Variants in SYCP2 observed in about 807,000 individuals in gnomAD.
SYCP2 encodes the protein synaptonemal complex lateral element protein.
Under a neutral mutation model 211.3 loss-of-function variants are expected in SYCP2, and 55 were observed. That is an observed-to-expected ratio of 0.26 (90% CI 0.21 to 0.33). SYCP2 has a LOEUF of 0.33. SYCP2 is among the 10% of genes least tolerant of loss of function. SYCP2 has a pLI of 1.00. For synonymous variants in SYCP2, 570 were observed against 555.2 expected, an observed-to-expected ratio of 1.03 and a Z score of -0.37; for missense variants, 1,731 against 1,752.0, an observed-to-expected ratio of 0.99 and a Z score of 0.21.
At chr20:59,911,976 A>G in intron 13 of SYCP2, 131 bp from the exon 14 acceptor site, 2 of 467,270 alleles carry the variant, frequency 4.3e-6, no homozygotes, top group South Asian at 5.5e-5. Flanking sequence ...ACAGACAAGT[A>G]TAATATTTAG....
chr20:59,890,112 C>A (rs567969763), intron 24 of SYCP2, among the ~76,000 whole-genome samples: 10 of 152,032 alleles, frequency 6.6e-5, no homozygotes, highest in African/African-American at 2.4e-4. Context: ...ATGTTTACTG[C>A]GGCACTATTC....
intron 32 of SYCP2, 82 bp downstream of exon 32, chr20:59,877,926 A>T: frequency 1.8e-6 from 2 of 1,091,174 alleles, no homozygotes; most frequent in Non-Finnish European, 2.7e-6. Context: ...ACAAGGATAA[A>T]ATTATGAGAT....
chr20:59,900,667 C>T (rs1301490009), intron 17 of SYCP2, 77 bp downstream of exon 17: 3 of 1,132,246 alleles, frequency 2.6e-6, no homozygotes, highest in East Asian at 2.5e-5. Context: ...CACCCTCCAA[C>T]AACACCTTTA....
intron 2 of SYCP2, among the ~76,000 whole-genome samples, chr20:59,930,882 T>TACATTTTGAGTATAAC (rs1240246424): frequency 1.1e-4 from 16 of 152,312 alleles, no homozygotes; most frequent in Non-Finnish European, 2.4e-4. Context: ...CCAAATTTGA[T>TACATTTTGAGTATAAC]ACATTTTGAG....
Position 59,869,819 on chromosome 20 carries a change from A to G in SYCP2, c.3720T>C (p.Asn1240=), listed in dbSNP as rs753734963. 3.7e-6 allele frequency: 6 copies of G among 1,604,686 alleles called. No homozygotes were observed. The highest frequency in any genetic ancestry group is 1.7e-4 in the Middle Eastern group (1 of 5,886). The change falls in exon 36 of 45, where the codon AAT becomes AAC. Residue 1240 remains asparagine, a synonymous_variant. Coordinates refer to ENST00000357552, the MANE Select transcript of SYCP2 (RefSeq NM_014258.4). Reference sequence around the variant, plus strand: ...TTACCTCTCTTTTGCTTTGTATATAATTTTCATTGATATGTGGAGATTCAA... The same window carrying G: ...TTACCTCTCTTTTGCTTTGTATATAGTTTTCATTGATATGTGGAGATTCAA... ...MEIESPHINE[N]YIQSKREESH...
In SYCP2 at chr20:59,880,353, A is replaced by G. The variant is rs1445682529; in HGVS notation, c.2891T>C (p.Ile964Thr). The change falls in exon 31 of 45, where the codon ATA (isoleucine) becomes ACA (threonine). Residue 964 changes from isoleucine to threonine, a missense_variant. Ile to Thr is a moderately conservative substitution (Grantham distance 89, BLOSUM62 -1). Coordinates refer to ENST00000357552, the MANE Select transcript of SYCP2 (RefSeq NM_014258.4). ...CACATTTTTATTTCTGCTATAGTCT[A>G]TTAGCTGTGGTTTTGATTTCGGTTC... ...LREPKSKPQL[I>T]DYSRNKNVKN... 8 of 1,598,794 alleles carry G rather than the reference A, an allele frequency of 5.0e-6. No individual in the cohort carries two copies. Among genetic ancestry groups the G allele is most frequent in the Non-Finnish European group, 6.8e-6 (8 of 1,169,898 alleles).
At chr20:59,893,634 T>C in intron 20 of SYCP2, 41 bp from the exon 21 acceptor site, 1 of 1,473,530 alleles carries the variant, frequency 6.8e-7, no homozygotes, top group Non-Finnish European at 9.4e-7. Context: ...CTTAAGATGT[T>C]ATATGAAAAC....
intron 38 of SYCP2, 37 bp from the exon 39 acceptor site, chr20:59,867,884 G>A (rs1259026958): frequency 2.0e-6 from 3 of 1,506,812 alleles, no homozygotes; most frequent in East Asian, 4.6e-5. Context: ...GTTAAAATAT[G>A]CATTACTCTA....
intron 26 of SYCP2, chr20:59,885,172 T>G (rs911158999): frequency 6.6e-6 from 1 of 152,068 alleles, no homozygotes; most frequent in Non-Finnish European, 1.5e-5. Flanking sequence ...AAGACAATCT[T>G]TTAAAGGGAA....
chr20:59,915,396 T>A (rs530613930), intron 9 of SYCP2, 69 bp downstream of exon 9: 2 of 1,150,594 alleles, frequency 1.7e-6, no homozygotes, highest in African/African-American at 3.1e-5. Flanking sequence ...TGCAAACTCA[T>A]AGTTGTCTGT....
At chr20:59,902,780 G>C (rs988404312) in intron 15 of SYCP2, among the ~76,000 whole-genome samples, 1 of 152,140 alleles carries the variant, frequency 6.6e-6, no homozygotes, top group African/African-American at 2.4e-5. Context: ...ACAATTGCTT[G>C]AAAGTGGTAA....
At chr20:59,869,753 C>CAGA in intron 36 of SYCP2, 45 bp downstream of exon 36, 1 of 1,180,386 alleles carries the variant, frequency 8.5e-7, no homozygotes, top group Non-Finnish European at 1.2e-6. Flanking sequence ...TTATAAGAAC[C>CAGA]ATCTTAGTGT....
intron 29 of SYCP2, 81 bp from the exon 30 acceptor site, chr20:59,881,104 T>C: frequency 1.3e-6 from 1 of 792,114 alleles, no homozygotes; most frequent in Non-Finnish European, 2.0e-6. Context: ...CAATTAGACC[T>C]GAGTTTTCAG....
chr20:59,924,567 T>C (rs2060598827), intron 2 of SYCP2, among the ~76,000 whole-genome samples: 1 of 151,948 alleles, frequency 6.6e-6, no homozygotes, highest in African/African-American at 2.4e-5. Flanking sequence ...TATCAAAACA[T>C]CTTACATACT....
chr20:59,919,337 C>T, intron 6 of SYCP2, 155 bp from the exon 7 acceptor site: 2 of 675,152 alleles, frequency 3.0e-6, no homozygotes, highest in Non-Finnish European at 5.1e-6. Flanking sequence ...ATTATATTTA[C>T]CAGAATAAAT....
intron 24 of SYCP2, among the ~76,000 whole-genome samples, chr20:59,889,584 A>T (rs915799514): frequency 2.0e-5 from 3 of 151,876 alleles, no homozygotes; most frequent in Non-Finnish European, 4.4e-5. Context: ...GTAAACACAA[A>T]ATTTACTATT....
chr20:59,921,477 CA>C (rs1259803630), intron 3 of SYCP2, 24 bp from the exon 4 acceptor site: 1 of 1,524,196 alleles, frequency 6.6e-7, no homozygotes. Context: ...TTTAATGGCA[CA>C]TACTGTATCA....
intron 2 of SYCP2, among the ~76,000 whole-genome samples, chr20:59,930,171 C>T (rs1158168202): frequency 6.6e-6 from 1 of 152,140 alleles, no homozygotes; most frequent in African/African-American, 2.4e-5. Flanking sequence ...TTTCAGGCCC[C>T]TGAACTTCCT....
rs548992997 is a variant in SYCP2, at chr20:59,874,401, T to A, written c.3350-340A>T. Among the ~76,000 whole-genome samples, 7 of 152,212 alleles carry A rather than the reference T, an allele frequency of 4.6e-5. 1 individual carries two copies. The South Asian group carries it at 1.4e-3, about 32-fold the overall frequency. The stretch of plus-strand genomic sequence containing the variant: ...TAGCTGATTGTGTTATATATACACA[T>A]CACAAAATTTTATGATTGAAAAAGG... On this transcript the variant is annotated intron_variant, in intron 34 of 44. Coordinates refer to ENST00000357552, the MANE Select transcript of SYCP2 (RefSeq NM_014258.4).
Sources: allele counts gnomAD v4.1 joint callset (sites outside exome capture counted in the v4.1 genomes callset), GRCh38; gene constraint gnomAD v4.1.1; transcripts MANE v1.5; gene names NCBI Gene and HGNC (gene_info 2026-07-23, HGNC 2026-07-21).